Variants in PRLR observed in about 807,000 individuals in gnomAD.
The protein encoded by PRLR is hPRL receptor.
In PRLR, 13 loss-of-function variants were observed where a neutral mutation model predicts 40.2. That is an observed-to-expected ratio of 0.32 (90% confidence interval 0.21 to 0.51). The LOEUF (loss-of-function observed/expected upper bound fraction) is 0.51, where lower values mean the gene tolerates loss of function less well. PRLR is among the 20% of genes least tolerant of loss of function. The pLI, the probability that PRLR is intolerant of heterozygous loss-of-function variation, is 0.97. For missense variants in PRLR, 656 were observed against 747.3 expected (o/e 0.88, Z 1.42); for synonymous variants, 269 against 278.7 (o/e 0.97, Z 0.35).
rs369621583 is a variant in PRLR, at chr5:35,194,001, G to A, written c.-106+36267C>T. On this transcript the variant is annotated intron_variant, in intron 1 of 9. Coordinates refer to ENST00000618457, the MANE Select transcript of PRLR (RefSeq NM_000949.7). ...TGTCCACGGAGCATCTCCCAAGCCA[G>A]GCAGAGATGGTGGCAAAGTGGTGAA... Among the ~76,000 whole-genome samples, 19 of 152,266 alleles carry A rather than the reference G, an allele frequency of 1.2e-4. No individual in the cohort carries two copies. The East Asian group carries it at 3.5e-3, about 28-fold the overall frequency.
chr5:35,228,778 C>A (rs1776617106), intron 1 of PRLR, among the ~76,000 whole-genome samples: 1 of 152,158 alleles, frequency 6.6e-6, no homozygotes, highest in South Asian at 2.1e-4. Flanking sequence ...AGCAGCGTGG[C>A]TGACTCCAGA....
intron 5 of PRLR, among the ~76,000 whole-genome samples, chr5:35,078,872 G>A (rs1342010246): frequency 6.6e-6 from 1 of 152,176 alleles, no homozygotes; most frequent in African/African-American, 2.4e-5. Context: ...GATCAAGTAG[G>A]CTTCATCCCT....
intron 3 of PRLR, among the ~76,000 whole-genome samples, chr5:35,088,293 A>G (rs1037136939): frequency 6.6e-6 from 1 of 152,230 alleles, no homozygotes; most frequent in Non-Finnish European, 1.5e-5. Context: ...GGAACAATTT[A>G]TTCAGGATAA....
chr5:35,124,506 T>C (rs34878627), intron 1 of PRLR, among the ~76,000 whole-genome samples: 59,953 of 152,084 alleles, frequency 0.39, 14,474 homozygotes, highest in Non-Finnish European at 0.55. Context: ...GTTTTATCTG[T>C]AGTCTATAAC....
chr5:35,156,611 C>T (rs960558673), intron 1 of PRLR, among the ~76,000 whole-genome samples: 10 of 152,138 alleles, frequency 6.6e-5, no homozygotes, highest in African/African-American at 1.4e-4. Context: ...CTGAATGTAC[C>T]GGGCAGGTTC....
intron 5 of PRLR, among the ~76,000 whole-genome samples, chr5:35,079,818 T>C (rs976719537): frequency 1.6e-4 from 24 of 152,296 alleles, no homozygotes; most frequent in African/African-American, 5.5e-4. Context: ...CAAAACAGCA[T>C]GGTACTGGTA....
At chr5:35,147,412 A>G (rs751093963) in intron 1 of PRLR, among the ~76,000 whole-genome samples, 2 of 152,156 alleles carry the variant, frequency 1.3e-5, no homozygotes, top group African/African-American at 4.8e-5. Flanking sequence ...TTAAACAGCA[A>G]ATTTCTTGCT....
intron 5 of PRLR, among the ~76,000 whole-genome samples, chr5:35,075,866 A>C (rs570621815): frequency 2.0e-5 from 3 of 152,280 alleles, no homozygotes; most frequent in Admixed American, 2.0e-4. Context: ...AGGCAGCAAC[A>C]TTTGCTGTTC....
At chr5:35,081,115 C>T (rs1252767676) in intron 5 of PRLR, 1 of 152,034 alleles carries the variant, frequency 6.6e-6, no homozygotes, top group Non-Finnish European at 1.5e-5. Flanking sequence ...GGTTGCAGCA[C>T]ACCAACATGG....
At chr5:35,078,366 G>A (rs1161801069) in intron 5 of PRLR, among the ~76,000 whole-genome samples, 1 of 152,082 alleles carries the variant, frequency 6.6e-6, no homozygotes, top group Non-Finnish European at 1.5e-5. Context: ...AAATGATAAA[G>A]GGGATATCAC....
chr5:35,152,189 G>A (rs1033682740), intron 1 of PRLR, among the ~76,000 whole-genome samples: 2 of 152,050 alleles, frequency 1.3e-5, no homozygotes, highest in Admixed American at 6.6e-5. Context: ...TCTCATTCAC[G>A]TATGTAAGCT....
At chr5:35,157,071 A>G (rs548253415) in intron 1 of PRLR, among the ~76,000 whole-genome samples, 1 of 152,132 alleles carries the variant, frequency 6.6e-6, no homozygotes, top group African/African-American at 2.4e-5. Context: ...TAAAGATGCA[A>G]TGAGATATCT....
At chr5:35,209,723 G>T (rs1044118699) in intron 1 of PRLR, among the ~76,000 whole-genome samples, 3 of 152,188 alleles carry the variant, frequency 2.0e-5, no homozygotes, top group African/African-American at 7.2e-5. Flanking sequence ...TCATTTCCAC[G>T]ATCCAGAAGG....
chr5:35,106,707 A>C (rs1254553320), intron 2 of PRLR, among the ~76,000 whole-genome samples: 1 of 152,218 alleles, frequency 6.6e-6, no homozygotes, highest in African/African-American at 2.4e-5. Flanking sequence ...CCAATACAGG[A>C]GCACCCAGAT....
At position 35,220,422 on chromosome 5, in the gene PRLR, G is replaced by A. The variant is rs547164512; in HGVS notation, c.-106+9846C>T. Among the ~76,000 whole-genome samples, 41 of 152,290 alleles carry A rather than the reference G, an allele frequency of 2.7e-4. No homozygotes were observed. The South Asian group carries it at 8.5e-3, about 32-fold the overall frequency. ...GCATGCTTTTCTTTTTAGTACTGAT[G>A]TGCTAGCTTGAAGGGCACCTCCTCA... On this transcript the variant is annotated intron_variant, in intron 1 of 9. Transcript: ENST00000618457.
chr5:35,190,099 C>T (rs1390944626), intron 1 of PRLR, among the ~76,000 whole-genome samples: 1 of 152,158 alleles, frequency 6.6e-6, no homozygotes, highest in Non-Finnish European at 1.5e-5. Context: ...CGGCTTCCAG[C>T]ACTATGAGAC....
intron 1 of PRLR, among the ~76,000 whole-genome samples, chr5:35,169,463 G>C (rs185983772): frequency 3.3e-4 from 51 of 152,280 alleles, no homozygotes; most frequent in Middle Eastern, 3.4e-3. Context: ...GGAACAGCAG[G>C]CATTCTAATG....
chr5:35,068,119 C>T, intron 9 of PRLR, 97 bp downstream of exon 9: 2 of 1,183,970 alleles, frequency 1.7e-6, no homozygotes, highest in South Asian at 1.2e-5. Context: ...CTGGCTGAAA[C>T]TACCAGGCTG....
At position 35,115,170 on chromosome 5, in the gene PRLR, T is replaced by G. The variant is rs563188404; in HGVS notation, c.-44+2891A>C. Among the ~76,000 whole-genome samples the G allele has an allele frequency of 2.0e-5, 3 of 152,340 alleles. No homozygotes were observed. In the South Asian group the frequency reaches 6.2e-4, roughly 32 times the overall value. On this transcript the variant is annotated intron_variant, in intron 2 of 9. Transcript: ENST00000618457. ...ATTTTTAATATCATTTAATTTCAATTTATTTATATTTAAATTGCTACAAGT... is the reference window on the plus strand; with the variant it reads ...ATTTTTAATATCATTTAATTTCAATGTATTTATATTTAAATTGCTACAAGT...
Sources: gnomAD v4.1 joint callset for allele counts (sites outside exome capture counted in the v4.1 genomes callset) on GRCh38, gnomAD v4.1.1 for gene constraint, MANE v1.5 for transcripts, NCBI Gene and HGNC (gene_info 2026-07-23, HGNC 2026-07-21) for gene names.